The following DNMT3A variants were observed in gnomAD, a reference collection of about 807,000 sequenced individuals.
DNMT3A encodes the protein DNA (cytosine-5)-methyltransferase 3A.
Under a neutral mutation model 117.6 loss-of-function variants are expected in DNMT3A, and 267 were observed. The observed-to-expected ratio is 2.27, with a 90% CI of 2.05 to 2.51. DNMT3A has a LOEUF of 2.51. Among genes scored for constraint, DNMT3A ranks in the 30% most tolerant of loss-of-function variants. The probability of loss-of-function intolerance (pLI) is 0.00; values close to 1 mark genes in which losing one functional copy is unlikely to be tolerated. For missense variants in DNMT3A, 1,029 were observed against 1,260.2 expected, an observed-to-expected ratio of 0.82 and a Z score of 2.78; for synonymous variants, 432 against 474.8, an observed-to-expected ratio of 0.91 and a Z score of 1.17.
At position 25,247,977 on chromosome 2, in the gene DNMT3A, G is replaced by T. The variant is rs1237139685; in HGVS notation, c.855+60C>A. 8 of 1,607,010 alleles carry T rather than the reference G, an allele frequency of 5.0e-6. No individual in the cohort carries two copies. In the African/African-American group the frequency reaches 9.4e-5, roughly 19 times the overall value. The stretch of plus-strand genomic sequence containing the variant: ...TGGAGAGAGGAGAGCAGGACGGGAG[G>T]AGCTGGCAGTGGAAGGCCCCCGGAA... On this transcript the variant is annotated intron_variant, in intron 7 of 22. Transcript: ENST00000321117. This position sits in a 1 kb window ranked among gnomAD's most constrained non-coding sequence, Gnocchi z 5.6.
rs2033705541 is a variant in DNMT3A at position 25,304,881 on chromosome 2, C to T, written c.73-4638G>A. On this transcript the variant is annotated intron_variant, in intron 2 of 22. Coordinates refer to ENST00000321117, the MANE Select transcript of DNMT3A (RefSeq NM_022552.5). This position sits in a 1 kb window ranked among gnomAD's most constrained non-coding sequence, Gnocchi z 4.3. ...CTTTTCCAGCCTCCTATCCTGGATT[C>T]CCTGCCCCTAGGCCCCCTCCTCCCA... Among the ~76,000 whole-genome samples, 1 of 152,218 alleles carries T rather than the reference C, an allele frequency of 6.6e-6. No individual in the cohort carries two copies. Among genetic ancestry groups the T allele is most frequent in the African/African-American group, 2.4e-5 (1 of 41,444 alleles).
At chr2:25,243,754 C>T in intron 16 of DNMT3A, 144 bp downstream of exon 16, 1 of 969,322 alleles carries the variant, frequency 1.0e-6, no homozygotes, top group Non-Finnish European at 1.6e-6. Context: ...TACGTTTCCA[C>T]TTCACACACA....
intron 3 of DNMT3A, among the ~76,000 whole-genome samples, chr2:25,287,183 T>C (rs999042809): frequency 4.6e-5 from 7 of 152,102 alleles, no homozygotes; most frequent in Admixed American, 3.3e-4. Flanking sequence ...GATACTCATG[T>C]TGCCCATTAT....
chr2:25,242,378 A>G lies in DNMT3A; in HGVS notation c.1937-671T>C, dbSNP rs545738743. On this transcript the variant is annotated intron_variant, in intron 16 of 22. Coordinates refer to ENST00000321117, the MANE Select transcript of DNMT3A (RefSeq NM_022552.5). ...CTAGCCGAACTGAGGCAAGGAAACAATCAGAGCAGATCCCGAGAGGGTCTC... is the reference window on the plus strand; with the variant it reads ...CTAGCCGAACTGAGGCAAGGAAACAGTCAGAGCAGATCCCGAGAGGGTCTC... Among the ~76,000 whole-genome samples the G allele has an allele frequency of 8.5e-5, 13 of 152,228 alleles. No individual in the cohort carries two copies. In the South Asian group the frequency reaches 2.7e-3, roughly 32 times the overall value.
Position 25,282,055 on chromosome 2 carries a change from C to G in DNMT3A, c.448+386G>C, listed in dbSNP as rs1236951081. 4.7e-5 allele frequency: 54 copies of G among 1,157,754 alleles called. No individual in the cohort carries two copies. The highest frequency in any genetic ancestry group is 5.5e-5 in the Non-Finnish European group (51 of 932,298). The allele number at this position is 1,157,754 out of a possible 1,614,324, so 71.7% of individuals were successfully genotyped here. ...GCAGGCCAGGTAGAGCTGCAGAAAA[C>G]TAAGGCCCACAACCAGCCACAGAAG... is the stretch of plus-strand genomic sequence containing the variant. On this transcript the variant is annotated intron_variant, in intron 4 of 22. Coordinates refer to ENST00000321117, the MANE Select transcript of DNMT3A (RefSeq NM_022552.5). This position sits in a 1 kb window ranked among gnomAD's most constrained non-coding sequence, Gnocchi z 5.2.
In DNMT3A at chr2:25,249,775, T is replaced by C. The variant is rs770431534; in HGVS notation, c.640-1523A>G. 3.8e-6 allele frequency: 6 copies of C among 1,598,426 alleles called. No individual in the cohort carries two copies. The South Asian group carries it at 5.5e-5, about 15-fold the overall frequency. ...TACTTAGCTCTGAGAACCATTAGCC[T>C]TTTACTGAATCTAGGAAACACGGCC... On this transcript the variant is annotated intron_variant, in intron 6 of 22. Transcript: ENST00000321117.
At chr2:25,245,115 T>G in intron 13 of DNMT3A, 138 bp downstream of exon 13, 1 of 755,046 alleles carries the variant, frequency 1.3e-6, no homozygotes, top group Non-Finnish European at 2.2e-6. Flanking sequence ...GGACTCTGCT[T>G]CCAGAGGAAG....
chr2:25,242,650 G>A (rs1036778563), intron 16 of DNMT3A, among the ~76,000 whole-genome samples: 1 of 152,216 alleles, frequency 6.6e-6, no homozygotes, highest in Non-Finnish European at 1.5e-5. Flanking sequence ...TCCCTGGGTT[G>A]AGACTGCCTA....
At position 25,264,904 on chromosome 2, in the gene DNMT3A, C is replaced by T. The variant is rs148016789; in HGVS notation, c.639+10037G>A. On this transcript the variant is annotated intron_variant, in intron 6 of 22. Transcript: ENST00000321117. ...ATAAAGAGAGTGCAGATCATGATTC[C>T]AGTCTCACCCCCCAACCTGCCGTGA... Among the ~76,000 whole-genome samples the T allele has an allele frequency of 2.0e-5, 3 of 152,116 alleles. No individual in the cohort carries two copies. In the East Asian group the frequency reaches 5.8e-4, roughly 29 times the overall value.
chr2:25,265,748 G>A (rs185181830), intron 6 of DNMT3A, among the ~76,000 whole-genome samples: 1 of 152,060 alleles, frequency 6.6e-6, no homozygotes, highest in Non-Finnish European at 1.5e-5. Flanking sequence ...GAACCCAAGA[G>A]GCAGAGGTTG....
Position 25,235,813 on chromosome 2 carries a change from T to G in DNMT3A, c.2491A>C (p.Arg831=). The G allele has an allele frequency of 6.2e-7, 1 of 1,613,956 alleles. No homozygotes were observed. The highest frequency in any genetic ancestry group is 8.5e-7 in the Non-Finnish European group (1 of 1,179,864). The change falls in exon 22 of 23, where the codon AGG becomes CGG. Residue 831 remains arginine, a synonymous_variant. Coordinates refer to ENST00000321117, the MANE Select transcript of DNMT3A (RefSeq NM_022552.5). ...GAGTTTGACCTCGTAGTAATGGTCC[T>G]CACTTTGCTGAACTAGATGAAGAGG... ...HGRIAKFSKV[R]TITTRSNSIK...
At chr2:25,336,307 G>A (rs2035213554) in intron 1 of DNMT3A, among the ~76,000 whole-genome samples, 1 of 152,204 alleles carries the variant, frequency 6.6e-6, no homozygotes, top group Non-Finnish European at 1.5e-5. Context: ...CCCTGGCACT[G>A]GCAGCCCCTT....
intron 17 of DNMT3A, 94 bp from the exon 18 acceptor site, chr2:25,240,824 C>T (rs1573314314): frequency 7.8e-7 from 1 of 1,284,560 alleles, no homozygotes; most frequent in East Asian, 2.4e-5. Context: ...GCAAAGAAGT[C>T]CTTTGACACG....
chr2:25,319,175 CG>C (rs536631116), intron 1 of DNMT3A, among the ~76,000 whole-genome samples: 186 of 151,286 alleles, frequency 1.2e-3, no homozygotes, highest in African/African-American at 4.1e-3. Context: ...CCACCACACC[CG>C]GCTAATTTTT....
intron 3 of DNMT3A, among the ~76,000 whole-genome samples, chr2:25,287,797 A>G (rs1329001932): frequency 1.3e-5 from 2 of 149,674 alleles, no homozygotes; most frequent in Non-Finnish European, 3.0e-5. Context: ...CCCTGGGCTG[A>G]GGGTAGGGGC....
intron 1 of DNMT3A, among the ~76,000 whole-genome samples, chr2:25,330,233 C>T (rs138971195): frequency 0.014 from 2,183 of 152,336 alleles, 174 homozygotes; most frequent in Admixed American, 0.13. Flanking sequence ...TTGATTACAA[C>T]GCCACACCCT....
rs1478708526 is a variant in DNMT3A, at chr2:25,252,868, T to C, written c.640-4616A>G. ...AGTGACAGCAGGCGCGCGCAGGCAT[T>C]GGGAGCGCTCCAGATCGGGGATTGT... On this transcript the variant is annotated intron_variant, in intron 6 of 22. Coordinates refer to ENST00000321117, the MANE Select transcript of DNMT3A (RefSeq NM_022552.5). The surrounding 1 kb of genome is among the most constrained non-coding windows in gnomAD (Gnocchi z 5.5). 6.6e-6 allele frequency among the ~76,000 whole-genome samples: 1 copy of C among 151,682 alleles called. No homozygotes were observed. The highest frequency in any genetic ancestry group is 1.5e-5 in the Non-Finnish European group (1 of 67,928).
chr2:25,258,877 G>A (rs1320119817), intron 6 of DNMT3A, among the ~76,000 whole-genome samples: 1 of 152,190 alleles, frequency 6.6e-6, no homozygotes, highest in Non-Finnish European at 1.5e-5. Context: ...CTGTTAGGGA[G>A]GGGGAGTGGT....
At position 25,234,529 on chromosome 2, in the gene DNMT3A, G is replaced by C; in HGVS notation, c.2598-109C>G. 7.6e-7 allele frequency: 1 copy of C among 1,323,062 alleles called. No homozygotes were observed. Among genetic ancestry groups the C allele is most frequent in the Non-Finnish European group, 1.0e-6 (1 of 981,386 alleles). 82.0% of individuals were successfully genotyped at this position (1,323,062 alleles called of 1,614,324 possible). On this transcript the variant is annotated intron_variant, in intron 22 of 22. Transcript: ENST00000321117. This position sits in a 1 kb window ranked among gnomAD's most constrained non-coding sequence, Gnocchi z 4.5. ...CGGAGGACCAGCAGCCACCCGAAGT[G>C]CAGGGACAGGGGCACTCACACCCAC...
Sources: allele counts gnomAD v4.1 joint callset (sites outside exome capture counted in the v4.1 genomes callset), GRCh38; gene constraint gnomAD v4.1.1; non-coding constraint Gnocchi (gnomAD v3.1); transcripts MANE v1.5; gene names NCBI Gene and HGNC (gene_info 2026-07-23, HGNC 2026-07-21).